Variants in EIF4B observed in about 807,000 individuals in gnomAD.
The protein encoded by EIF4B is eukaryotic translation initiation factor 4B.
In EIF4B, 8 loss-of-function variants were observed where a neutral mutation model predicts 79.3. That is an observed-to-expected ratio of 0.10 (90% CI 0.06 to 0.18). The LOEUF (loss-of-function observed/expected upper bound fraction) is 0.18, where lower values mean the gene tolerates loss of function less well. Among genes scored for constraint, EIF4B ranks in the 10% least tolerant of loss-of-function variants. EIF4B has a pLI of 1.00. For missense variants in EIF4B, 515 were observed against 792.4 expected (o/e 0.65, Z 4.20); for synonymous variants, 238 against 274.7 (o/e 0.87, Z 1.32).
chr12:53,039,464 A>G, intron 13 of EIF4B, 121 bp downstream of exon 13: 2 of 1,221,158 alleles, frequency 1.6e-6, no homozygotes, highest in African/African-American at 3.1e-5. Context: ...AAGTCAGCCA[A>G]CGTAGACAGT....
At chr12:53,034,956 C>CTTTTTTTTTTTTTTTTTTTTTTTTT (rs72498436) in intron 10 of EIF4B, among the ~76,000 whole-genome samples, 1 of 90,156 alleles carries the variant, frequency 1.1e-5, no homozygotes, top group African/African-American at 4.3e-5. Context: ...TTGTCTCTCT[C>CTTTTTTTTTTTTTTTTTTTTTTTTT]TTTTTTTTTT....
At chr12:53,025,951 C>CA (rs921100830) in intron 6 of EIF4B, among the ~76,000 whole-genome samples, 18 of 148,348 alleles carry the variant, frequency 1.2e-4, no homozygotes, top group South Asian at 4.3e-4. Context: ...ACTAAAAATA[C>CA]AAAAAAAAAA....
intron 10 of EIF4B, among the ~76,000 whole-genome samples, chr12:53,036,359 G>A (rs1413090413): frequency 2.0e-5 from 3 of 152,012 alleles, no homozygotes; most frequent in Non-Finnish European, 2.9e-5. Flanking sequence ...TGATCTGCCC[G>A]CCCTGGCCTC....
chr12:53,022,126 G>T, intron 5 of EIF4B: 1 of 644,812 alleles, frequency 1.6e-6, no homozygotes, highest in Non-Finnish European at 2.8e-6. Flanking sequence ...AAAGAATTAT[G>T]CAGCCCAAAA....
chr12:53,027,425 G>A (rs1350989542), intron 6 of EIF4B, among the ~76,000 whole-genome samples: 2 of 151,594 alleles, frequency 1.3e-5, no homozygotes, highest in Non-Finnish European at 2.9e-5. Flanking sequence ...ATGAGCCACC[G>A]TGACCAGCTA....
intron 1 of EIF4B, among the ~76,000 whole-genome samples, chr12:53,012,906 G>A (rs1381918606): frequency 6.6e-6 from 1 of 152,136 alleles, no homozygotes; most frequent in African/African-American, 2.4e-5. Context: ...ACACCCAACA[G>A]TAATTTCTTA....
intron 6 of EIF4B, among the ~76,000 whole-genome samples, chr12:53,027,178 C>T (rs570776380): frequency 1.3e-5 from 1 of 75,842 alleles, no homozygotes; most frequent in Non-Finnish European, 3.1e-5. Context: ...CTCACTCTCT[C>T]GCCAGGCTGG....
chr12:53,020,682 C>T (rs1943233856), intron 4 of EIF4B, among the ~76,000 whole-genome samples: 1 of 152,070 alleles, frequency 6.6e-6, no homozygotes, highest in Non-Finnish European at 1.5e-5. Context: ...TTTCTGTAGT[C>T]CTATTTTGCC....
At chr12:53,011,652 G>C (rs1943065475) in intron 1 of EIF4B, among the ~76,000 whole-genome samples, 1 of 152,182 alleles carries the variant, frequency 6.6e-6, no homozygotes, top group Admixed American at 6.5e-5. Flanking sequence ...TTAAGAAGTA[G>C]GCTGTATTTA....
chr12:53,008,233 C>T (rs550874828), intron 1 of EIF4B, among the ~76,000 whole-genome samples: 2 of 152,280 alleles, frequency 1.3e-5, no homozygotes, highest in South Asian at 2.1e-4. Flanking sequence ...CAATTCATGT[C>T]CTTCGTTTTA....
intron 6 of EIF4B, chr12:53,025,451 C>T (rs970727540): frequency 1.5e-5 from 5 of 322,950 alleles, no homozygotes; most frequent in South Asian, 2.6e-5. Context: ...AAGAGAACCC[C>T]GAGGGGTGTT....
chr12:53,014,412 CAAAA>C (rs367885369), intron 1 of EIF4B, among the ~76,000 whole-genome samples: 20 of 64,152 alleles, frequency 3.1e-4, no homozygotes, highest in Admixed American at 2.8e-3. Context: ...GACTCCGTCT[CAAAA>C]AAAAAAAAAA....
chr12:53,014,332 G>T (rs2120897019), intron 1 of EIF4B, among the ~76,000 whole-genome samples: 1 of 151,178 alleles, frequency 6.6e-6, no homozygotes, highest in Middle Eastern at 3.4e-3. Flanking sequence ...GAAATTGCTT[G>T]AACCTGGGAG....
chr12:53,011,994 AG>A (rs1053304840), intron 1 of EIF4B: 25 of 152,246 alleles, frequency 1.6e-4, no homozygotes, highest in African/African-American at 5.5e-4. Context: ...CTTATAAAGC[AG>A]AGGGAACACT....
chr12:53,027,687 TAAAC>T (rs1055652687), intron 6 of EIF4B, 91 bp from the exon 7 acceptor site: 2 of 1,452,350 alleles, frequency 1.4e-6, no homozygotes, highest in African/African-American at 2.8e-5. Flanking sequence ...AAAATTTAAA[TAAAC>T]AGATTCTTCC....
At chr12:53,011,113 A>T (rs571912717) in intron 1 of EIF4B, among the ~76,000 whole-genome samples, 3 of 152,182 alleles carry the variant, frequency 2.0e-5, no homozygotes, top group African/African-American at 4.8e-5. Flanking sequence ...AAAAAATTTT[A>T]AAAATTAGCC....
intron 10 of EIF4B, among the ~76,000 whole-genome samples, chr12:53,036,615 C>T (rs1262267092): frequency 6.6e-6 from 1 of 152,104 alleles, no homozygotes; most frequent in African/African-American, 2.4e-5. Context: ...GGTCTCACTA[C>T]ACTCCCCAGG....
chr12:53,031,811 T>C (rs536692677), intron 8 of EIF4B, among the ~76,000 whole-genome samples: 1 of 152,320 alleles, frequency 6.6e-6, no homozygotes, highest in South Asian at 2.1e-4. Context: ...GAAGTCACCA[T>C]CTAGTGGTTA....
In EIF4B at chr12:53,042,190, A is replaced by C. The variant is rs1943651583; in HGVS notation, c.*1967A>C. ...GTGGGTTTTTTGTTTTCTCCAAATA[A>C]ATCTGATCTTTAAAGTTCATTGTAA... On this transcript the variant is annotated 3_prime_UTR_variant, in exon 15 of 15. Coordinates refer to ENST00000262056, the MANE Select transcript of EIF4B (RefSeq NM_001417.7). 1 of 152,638 alleles carries C rather than the reference A, an allele frequency of 6.6e-6. No individual in the cohort carries two copies. The highest frequency in any genetic ancestry group is 1.5e-5 in the Non-Finnish European group (1 of 68,044). The allele number at this position is 152,638 out of a possible 1,614,324, so 9.5% of individuals were successfully genotyped here.
Sources: allele counts gnomAD v4.1 joint callset (sites outside exome capture counted in the v4.1 genomes callset), GRCh38; gene constraint gnomAD v4.1.1; transcripts MANE v1.5; gene names NCBI Gene and HGNC (gene_info 2026-07-23, HGNC 2026-07-21).